MAGI1: variants seen among roughly 807,000 people sequenced by gnomAD.
The protein encoded by MAGI1 is membrane associated guanylate kinase, WW and PDZ domain containing 1, also known as membrane-associated guanylate kinase, WW and PDZ domain-containing protein 1.
A neutral mutation model predicts 139.9 loss-of-function variants in MAGI1; 58 were observed. The observed-to-expected ratio is 0.41, with a 90% CI of 0.34 to 0.52. The LOEUF (loss-of-function observed/expected upper bound fraction) is 0.52, where lower values mean the gene tolerates loss of function less well. MAGI1 is among the 20% of genes least tolerant of loss of function. The probability of loss-of-function intolerance (pLI) is 0.12; values close to 1 mark genes in which losing one functional copy is unlikely to be tolerated. For synonymous variants in MAGI1, 812 were observed against 737.9 expected, an observed-to-expected ratio of 1.10 and a Z score of -1.63; for missense variants, 1,874 against 1,901.6, an observed-to-expected ratio of 0.99 and a Z score of 0.27.
chr3:65,660,553 G>A (rs959647088), intron 1 of MAGI1, among the ~76,000 whole-genome samples: 5 of 152,140 alleles, frequency 3.3e-5, no homozygotes, highest in Admixed American at 6.6e-5. Context: ...TGAAATCAAC[G>A]CATTCAATGC....
chr3:65,545,626 G>A (rs2079455461), intron 2 of MAGI1, among the ~76,000 whole-genome samples: 1 of 152,076 alleles, frequency 6.6e-6, no homozygotes, highest in Non-Finnish European at 1.5e-5. Context: ...TCATTCTTAA[G>A]CATCTACAGA....
Position 65,583,915 on chromosome 3 carries a change from G to C in MAGI1, c.430+38057C>G, listed in dbSNP as rs142072518. ...TGTGACCTCTACTAGTCTTTCAAAGGTGAAACAGATCACAAGAATATGAAA... is the reference window on the plus strand; with the variant it reads ...TGTGACCTCTACTAGTCTTTCAAAGCTGAAACAGATCACAAGAATATGAAA... On this transcript the variant is annotated intron_variant, in intron 2 of 22. Coordinates refer to ENST00000402939, the MANE Select transcript of MAGI1 (RefSeq NM_001033057.2). Among the ~76,000 whole-genome samples, 1,125 of 152,098 alleles carry C rather than the reference G, an allele frequency of 7.4e-3. 17 individuals are homozygous for C. Among genetic ancestry groups the C allele is most frequent in the African/African-American group, 0.026 (1,081 of 41,478 alleles).
intron 1 of MAGI1, among the ~76,000 whole-genome samples, chr3:65,975,605 A>C (rs2065229184): frequency 6.6e-6 from 1 of 152,076 alleles, no homozygotes; most frequent in African/African-American, 2.4e-5. Context: ...AAAATACAAA[A>C]ATTAGACAGT....
intron 13 of MAGI1, among the ~76,000 whole-genome samples, chr3:65,396,607 C>T (rs1228001034): frequency 6.6e-6 from 1 of 152,192 alleles, no homozygotes; most frequent in Non-Finnish European, 1.5e-5. Context: ...ACAGACAGCA[C>T]TTAGGAGCTT....
At chr3:65,897,846 G>C (rs2061044667) in intron 1 of MAGI1, among the ~76,000 whole-genome samples, 2 of 148,044 alleles carry the variant, frequency 1.4e-5, no homozygotes, top group Admixed American at 1.4e-4. Flanking sequence ...CTGAGCAACA[G>C]AGTAAAATCC....
At chr3:65,883,946 AAAAAG>A (rs1208675815) in intron 1 of MAGI1, among the ~76,000 whole-genome samples, 2 of 152,244 alleles carry the variant, frequency 1.3e-5, no homozygotes, top group Non-Finnish European at 2.9e-5. Context: ...ACCAAAAAGA[AAAAAG>A]AAAAGAATTC....
chr3:65,883,892 G>A (rs892983658), intron 1 of MAGI1, among the ~76,000 whole-genome samples: 2 of 152,032 alleles, frequency 1.3e-5, no homozygotes, highest in Non-Finnish European at 2.9e-5. Flanking sequence ...AACATTTCCT[G>A]TTCATCGAAA....
chr3:65,614,195 G>A (rs1160074128), intron 2 of MAGI1, among the ~76,000 whole-genome samples: 1 of 152,284 alleles, frequency 6.6e-6, no homozygotes, highest in East Asian at 1.9e-4. Context: ...ACAGGGGCAG[G>A]GCATGAGTCC....
At chr3:65,987,448 GC>G (rs1383576567) in intron 1 of MAGI1, among the ~76,000 whole-genome samples, 8 of 152,140 alleles carry the variant, frequency 5.3e-5, no homozygotes, top group African/African-American at 1.7e-4. Context: ...GTAGGTAACT[GC>G]ACATTAGAGG....
intron 2 of MAGI1, among the ~76,000 whole-genome samples, chr3:65,591,200 G>T (rs899967157): frequency 2.0e-4 from 30 of 152,074 alleles, no homozygotes; most frequent in African/African-American, 7.0e-4. Context: ...AGCTCACTAT[G>T]TCCAAAATGA....
intron 1 of MAGI1, among the ~76,000 whole-genome samples, chr3:65,932,682 A>T (rs564837155): frequency 6.6e-6 from 1 of 152,208 alleles, no homozygotes; most frequent in African/African-American, 2.4e-5. Context: ...ATATAATAAG[A>T]GAGCCAAAGG....
intron 3 of MAGI1, among the ~76,000 whole-genome samples, chr3:65,484,972 CA>C (rs1462346711): frequency 6.6e-6 from 1 of 152,170 alleles, no homozygotes; most frequent in East Asian, 1.9e-4. Flanking sequence ...TTTTGTGTAC[CA>C]CTGTGTTCTC....
chr3:65,955,096 G>A (rs963127781), intron 1 of MAGI1, among the ~76,000 whole-genome samples: 2 of 152,050 alleles, frequency 1.3e-5, no homozygotes, highest in Non-Finnish European at 2.9e-5. Flanking sequence ...TTAACTTCCC[G>A]AAAGAGAGAG....
In MAGI1 at chr3:65,734,409, G is replaced by A. The variant is rs117124400; in HGVS notation, c.314-112321C>T. Among the ~76,000 whole-genome samples, 1,381 of 150,292 alleles carry A rather than the reference G, an allele frequency of 9.2e-3. 68 individuals are homozygous for A. In the East Asian group the frequency reaches 0.13, roughly 14 times the overall value. ...CAGGAGGTCGAGGCAGCAGTGAGCC[G>A]TGATCATGCCACAGCACTTTAGCCT... On this transcript the variant is annotated intron_variant, in intron 1 of 22. Transcript: ENST00000402939.
At chr3:65,647,999 AAATTAAACTG>A (rs2085357470) in intron 1 of MAGI1, among the ~76,000 whole-genome samples, 1 of 152,204 alleles carries the variant, frequency 6.6e-6, no homozygotes, top group South Asian at 2.1e-4. Flanking sequence ...AGAAAGGAGG[AAATTAAACTG>A]TCTTGTTATT....
chr3:65,456,924 G>T (rs1358428108), intron 5 of MAGI1, among the ~76,000 whole-genome samples: 1 of 152,076 alleles, frequency 6.6e-6, no homozygotes, highest in Non-Finnish European at 1.5e-5. Flanking sequence ...CTTTATTATT[G>T]TGACTATATA....
chr3:65,509,446 G>A (rs986237501), intron 2 of MAGI1, among the ~76,000 whole-genome samples: 4 of 152,144 alleles, frequency 2.6e-5, no homozygotes, highest in African/African-American at 4.8e-5. Flanking sequence ...CAGTGGGTGC[G>A]CGTACCGTGC....
intron 1 of MAGI1, among the ~76,000 whole-genome samples, chr3:65,934,941 G>T (rs2062977888): frequency 6.6e-6 from 1 of 151,746 alleles, no homozygotes; most frequent in South Asian, 2.1e-4. Context: ...ACACAGTAAA[G>T]AACAACACAG....
Position 65,355,606 on chromosome 3 carries a change from A to G in MAGI1, c.*772T>C, listed in dbSNP as rs1172456454. 2 of 152,636 alleles carry G rather than the reference A, an allele frequency of 1.3e-5. No individual in the cohort carries two copies. Among genetic ancestry groups the G allele is most frequent in the Admixed American group, 6.5e-5 (1 of 15,284 alleles). The allele number at this position is 152,636 out of a possible 1,614,324, so 9.5% of individuals were successfully genotyped here. On this transcript the variant is annotated 3_prime_UTR_variant, in exon 23 of 23. Coordinates refer to ENST00000402939, the MANE Select transcript of MAGI1 (RefSeq NM_001033057.2). ...CAAAGCTGTGATGGCATTGCCTTCA[A>G]TGAGATTTTATCAGATGTTGGTGAT... is the stretch of plus-strand genomic sequence containing the variant.
Sources: gnomAD v4.1 joint callset for allele counts (sites outside exome capture counted in the v4.1 genomes callset) on GRCh38, gnomAD v4.1.1 for gene constraint, MANE v1.5 for transcripts, NCBI Gene and HGNC (gene_info 2026-07-23, HGNC 2026-07-21) for gene names.